The following COL21A1 variants were observed in gnomAD, a reference collection of about 807,000 sequenced individuals.
COL21A1 encodes the protein collagen alpha-1(XXI) chain.
COL21A1 carries 149 observed loss-of-function variants against 137.9 expected under a neutral mutation model. The ratio of observed to expected loss-of-function variants is 1.08; its 90% CI spans 0.95 to 1.24. The LOEUF is 1.24. Among genes scored for constraint, COL21A1 ranks in the 50% most tolerant of loss-of-function variants. COL21A1 has a pLI of 0.00. For missense variants in COL21A1, 1,167 were observed against 1,158.4 expected (o/e 1.01, Z -0.11); for synonymous variants, 456 against 391.5 (o/e 1.16, Z -1.95).
chr6:56,307,747 C>T (rs1225701588), intron 1 of COL21A1, among the ~76,000 whole-genome samples: 1 of 152,184 alleles, frequency 6.6e-6, no homozygotes, highest in Non-Finnish European at 1.5e-5. Flanking sequence ...CGCTTTCCGA[C>T]ACTCCCCAGT....
At chr6:56,290,045 A>C (rs1391214736) in intron 1 of COL21A1, among the ~76,000 whole-genome samples, 2 of 152,038 alleles carry the variant, frequency 1.3e-5, no homozygotes, top group Non-Finnish European at 2.9e-5. Context: ...TCTTCTTTGT[A>C]AGTAACCCCC....
At chr6:56,169,071 T>G (rs1006606663) in intron 5 of COL21A1, among the ~76,000 whole-genome samples, 3 of 152,040 alleles carry the variant, frequency 2.0e-5, no homozygotes, top group African/African-American at 7.2e-5. Flanking sequence ...AGTTTCTTTC[T>G]TTGAGTTGCA....
At position 56,125,613 on chromosome 6, in the gene COL21A1, AT is replaced by A. The variant is rs1436823472; in HGVS notation, c.1603del (p.Met535TrpfsTer45). On this transcript the variant is annotated frameshift_variant, in exon 14 of 30. Transcript: ENST00000244728. LOFTEE classifies it high-confidence loss of function. ...LHGMPGSKGEMGAKGDKGSPG... is the reference protein window; with the variant it reads ...LHGMPGSKGEXGAKGDKGSPG... ...TGATCCTTTGTCTCCTTTGGCACCC[AT>A]TTCACCCTAAAAGACAAAATATAAA... 1 of 1,583,880 alleles carries A rather than the reference AT, an allele frequency of 6.3e-7. No homozygotes were observed. The highest frequency in any genetic ancestry group is 8.6e-7 in the Non-Finnish European group (1 of 1,160,836).
At chr6:56,061,707 A>G (rs747391802) in intron 24 of COL21A1, 26 bp from the exon 25 acceptor site, 10 of 1,503,428 alleles carry the variant, frequency 6.7e-6, no homozygotes, top group Non-Finnish European at 9.1e-6. Context: ...GAAAAAATAT[A>G]ATAAATGTGC....
At chr6:56,082,595 TG>T (rs1269693515) in intron 17 of COL21A1, among the ~76,000 whole-genome samples, 5 of 151,886 alleles carry the variant, frequency 3.3e-5, no homozygotes, top group African/African-American at 9.7e-5. Context: ...AACTTTAACT[TG>T]GTGTTGAATA....
intron 23 of COL21A1, 89 bp from the exon 24 acceptor site, chr6:56,064,711 C>A: frequency 2.8e-6 from 2 of 715,128 alleles, no homozygotes; most frequent in Non-Finnish European, 4.3e-6. Flanking sequence ...ACCTTGAGTT[C>A]CAGAAGAAAC....
At chr6:56,205,152 T>C (rs778691483) in intron 1 of COL21A1, among the ~76,000 whole-genome samples, 2 of 152,034 alleles carry the variant, frequency 1.3e-5, no homozygotes, top group African/African-American at 2.4e-5. Flanking sequence ...TTGACAGAAG[T>C]AGGCTTCAGA....
intron 1 of COL21A1, among the ~76,000 whole-genome samples, chr6:56,305,718 C>G (rs533560527): frequency 6.6e-6 from 1 of 152,166 alleles, no homozygotes; most frequent in African/African-American, 2.4e-5. Context: ...TTAATTGGAG[C>G]ATTTAGTCCA....
chr6:56,176,419 C>G (rs963867233), intron 3 of COL21A1, among the ~76,000 whole-genome samples: 24 of 98,102 alleles, frequency 2.4e-4, no homozygotes, highest in African/African-American at 9.4e-4. Flanking sequence ...TCTAACTCAG[C>G]AACAAAAAAA....
chr6:56,256,599 CTATACAA>C (rs1582736146), intron 1 of COL21A1, among the ~76,000 whole-genome samples: 1 of 152,216 alleles, frequency 6.6e-6, no homozygotes, highest in East Asian at 1.9e-4. Flanking sequence ...AAGCTGTACT[CTATACAA>C]TATAGTTCAC....
At chr6:56,164,921 T>G (rs563439442) in intron 7 of COL21A1, 99 bp from the exon 8 acceptor site, 14 of 976,158 alleles carry the variant, frequency 1.4e-5, no homozygotes, top group Middle Eastern at 6.7e-4. Context: ...ATTAGAGATA[T>G]ATGAAGTATG....
At chr6:56,350,320 G>A (rs935384424) in intron 1 of COL21A1, among the ~76,000 whole-genome samples, 1 of 152,212 alleles carries the variant, frequency 6.6e-6, no homozygotes, top group African/African-American at 2.4e-5. Flanking sequence ...CAACAGAGAG[G>A]ATGATAGAGG....
chr6:56,330,228 G>T (rs1582786943), intron 1 of COL21A1, among the ~76,000 whole-genome samples: 1 of 151,818 alleles, frequency 6.6e-6, no homozygotes, highest in African/African-American at 2.4e-5. Context: ...TTGAAAATTT[G>T]GAAATTATTA....
intron 12 of COL21A1, among the ~76,000 whole-genome samples, chr6:56,129,451 C>T (rs920009095): frequency 1.3e-5 from 2 of 152,088 alleles, no homozygotes; most frequent in Non-Finnish European, 2.9e-5. Flanking sequence ...TTGTAGACAA[C>T]CAATTATATG....
intron 1 of COL21A1, among the ~76,000 whole-genome samples, chr6:56,273,505 G>A (rs774965321): frequency 6.6e-6 from 1 of 152,096 alleles, no homozygotes; most frequent in African/African-American, 2.4e-5. Flanking sequence ...AAACAGAGAA[G>A]ATCCAAATAA....
At chr6:56,378,727 G>A (rs994342969) in intron 1 of COL21A1, among the ~76,000 whole-genome samples, 2 of 152,176 alleles carry the variant, frequency 1.3e-5, no homozygotes, top group South Asian at 2.1e-4. Flanking sequence ...GGCCTTAAGC[G>A]AACATACGCA....
intron 12 of COL21A1, among the ~76,000 whole-genome samples, chr6:56,128,248 A>T (rs991272442): frequency 6.6e-6 from 1 of 152,212 alleles, no homozygotes; most frequent in African/African-American, 2.4e-5. Flanking sequence ...ACACTGAGGA[A>T]CACAGCTGAA....
intron 12 of COL21A1, among the ~76,000 whole-genome samples, chr6:56,127,487 C>T (rs1250140657): frequency 6.6e-6 from 1 of 151,960 alleles, no homozygotes; most frequent in East Asian, 1.9e-4. Flanking sequence ...ATTTGATGTT[C>T]TTTATTTCTG....
chr6:56,315,565 A>G (rs555116746), intron 1 of COL21A1, among the ~76,000 whole-genome samples: 1 of 152,056 alleles, frequency 6.6e-6, no homozygotes, highest in African/African-American at 2.4e-5. Flanking sequence ...TTTCCAAACT[A>G]CAGTTTCTAT....
Sources: allele counts gnomAD v4.1 joint callset (sites outside exome capture counted in the v4.1 genomes callset), GRCh38; gene constraint gnomAD v4.1.1; transcripts MANE v1.5; gene names NCBI Gene and HGNC (gene_info 2026-07-23, HGNC 2026-07-21).